GRIA4: variants seen among roughly 807,000 people sequenced by gnomAD.
The protein encoded by GRIA4 is glutamate ionotropic receptor AMPA type subunit 4, also known as glutamate receptor 4.
GRIA4 carries 34 observed loss-of-function variants against 104.0 expected under a neutral mutation model. That is an observed-to-expected ratio of 0.33 (90% confidence interval 0.25 to 0.44). GRIA4 has a LOEUF of 0.44. Ranked by LOEUF, GRIA4 falls within the 20% of genes least tolerant of loss-of-function variation. GRIA4 has a pLI of 1.00. For missense variants in GRIA4, 750 were observed against 1,096.5 expected (o/e 0.68, Z 4.46); for synonymous variants, 386 against 381.9 (o/e 1.01, Z -0.13).
At chr11:105,740,528 G>T (rs1187893915) in intron 3 of GRIA4, among the ~76,000 whole-genome samples, 1 of 152,204 alleles carries the variant, frequency 6.6e-6, no homozygotes. Flanking sequence ...AAACAATCCA[G>T]TTACTTCTTC....
intron 4 of GRIA4, among the ~76,000 whole-genome samples, chr11:105,817,064 C>A (rs1262145322): frequency 6.6e-6 from 1 of 152,014 alleles, no homozygotes; most frequent in African/African-American, 2.4e-5. Context: ...TGAAATCCAA[C>A]TGCTGGGGTT....
intron 16 of GRIA4, among the ~76,000 whole-genome samples, chr11:105,979,240 A>G (rs753316585): frequency 1.5e-4 from 23 of 152,254 alleles, no homozygotes; most frequent in Non-Finnish European, 2.2e-4. Flanking sequence ...TGTCAAACAT[A>G]AAAGAGCTTT....
chr11:105,689,187 C>T (rs1425817516), intron 3 of GRIA4, among the ~76,000 whole-genome samples: 2 of 152,080 alleles, frequency 1.3e-5, no homozygotes, highest in African/African-American at 4.8e-5. Flanking sequence ...TATTTGAAGG[C>T]ATCACCAAGA....
At chr11:105,744,063 A>C (rs1349139268) in intron 3 of GRIA4, among the ~76,000 whole-genome samples, 1 of 151,730 alleles carries the variant, frequency 6.6e-6, no homozygotes, top group African/African-American at 2.4e-5. Context: ...GATTTCCTCC[A>C]GTCAGTCTTT....
chr11:105,811,335 A>T (rs1360195878), intron 4 of GRIA4, among the ~76,000 whole-genome samples: 1 of 152,220 alleles, frequency 6.6e-6, no homozygotes, highest in Non-Finnish European at 1.5e-5. Context: ...TGGAAGGCAG[A>T]GGCAGACAGA....
At chr11:105,884,567 G>A (rs1432778268) in intron 5 of GRIA4, among the ~76,000 whole-genome samples, 1 of 152,156 alleles carries the variant, frequency 6.6e-6, no homozygotes, top group Non-Finnish European at 1.5e-5. Flanking sequence ...GCCAGGATCT[G>A]GCTCAGCAGA....
chr11:105,662,897 G>C (rs1387658127), intron 3 of GRIA4, among the ~76,000 whole-genome samples: 4 of 151,884 alleles, frequency 2.6e-5, no homozygotes, highest in Non-Finnish European at 5.9e-5. Context: ...TCCATATGTA[G>C]ACATCATTGT....
At chr11:105,661,297 G>T (rs768345867) in intron 3 of GRIA4, among the ~76,000 whole-genome samples, 6 of 151,558 alleles carry the variant, frequency 4.0e-5, no homozygotes, top group Non-Finnish European at 7.4e-5. Flanking sequence ...AGAAGTATAG[G>T]AGTATTATAT....
At chr11:105,632,852 T>A (rs954267324) in intron 3 of GRIA4, among the ~76,000 whole-genome samples, 9 of 152,170 alleles carry the variant, frequency 5.9e-5, no homozygotes, top group Admixed American at 5.9e-4. Context: ...TAAGCATTAA[T>A]ATAACCACAG....
At chr11:105,721,478 T>A (rs1937814589) in intron 3 of GRIA4, among the ~76,000 whole-genome samples, 1 of 152,128 alleles carries the variant, frequency 6.6e-6, no homozygotes, top group Non-Finnish European at 1.5e-5. Flanking sequence ...TTTTGTTGTT[T>A]ACAAAAATGA....
chr11:105,810,919 A>G (rs144649274), intron 4 of GRIA4, among the ~76,000 whole-genome samples: 18 of 151,898 alleles, frequency 1.2e-4, no homozygotes, highest in African/African-American at 4.3e-4. Context: ...CATTTTTTTT[A>G]AAAAAAACTA....
intron 13 of GRIA4, among the ~76,000 whole-genome samples, chr11:105,933,073 T>C: frequency 6.7e-6 from 1 of 149,062 alleles, no homozygotes; most frequent in African/African-American, 2.4e-5. Context: ...ATCCCATCTT[T>C]AAAAAAATTT....
chr11:105,944,115 A>G (rs941541917), intron 14 of GRIA4, among the ~76,000 whole-genome samples: 2 of 152,180 alleles, frequency 1.3e-5, no homozygotes, highest in African/African-American at 2.4e-5. Context: ...AAATGGTAAT[A>G]GTAGTAGATG....
chr11:105,664,739 A>G (rs552122498), intron 3 of GRIA4, among the ~76,000 whole-genome samples: 1 of 152,152 alleles, frequency 6.6e-6, no homozygotes, highest in Non-Finnish European at 1.5e-5. Context: ...TTTTGGACCA[A>G]TGGTTAAATC....
chr11:105,811,455 A>G (rs991140112), intron 4 of GRIA4, among the ~76,000 whole-genome samples: 10 of 152,082 alleles, frequency 6.6e-5, no homozygotes, highest in Non-Finnish European at 2.9e-5. Context: ...CTCTGGTAGT[A>G]GCAGCTTCGA....
At chr11:105,977,987 C>A (rs1338702801) in intron 16 of GRIA4, among the ~76,000 whole-genome samples, 1 of 151,988 alleles carries the variant, frequency 6.6e-6, no homozygotes, top group African/African-American at 2.4e-5. Context: ...CAGTGAAATT[C>A]AATTCTGTTC....
intron 14 of GRIA4, among the ~76,000 whole-genome samples, chr11:105,955,515 G>T (rs1311759021): frequency 3.3e-5 from 5 of 152,046 alleles, no homozygotes; most frequent in African/African-American, 1.2e-4. Flanking sequence ...TCTTTATCCA[G>T]TCTATCATTG....
At chr11:105,780,802 G>T (rs141258205) in intron 4 of GRIA4, among the ~76,000 whole-genome samples, 7 of 152,098 alleles carry the variant, frequency 4.6e-5, no homozygotes, top group Admixed American at 4.6e-4. Flanking sequence ...ACTTTAGTCT[G>T]CAGGGAACTT....
chr11:105,629,110 A>G (rs1173876156), intron 3 of GRIA4, among the ~76,000 whole-genome samples: 1 of 148,352 alleles, frequency 6.7e-6, no homozygotes, highest in African/African-American at 2.5e-5. Context: ...CGTGGCTGCC[A>G]CTGCTATATA....
Sources: gnomAD v4.1 joint callset for allele counts (sites outside exome capture counted in the v4.1 genomes callset) on GRCh38, gnomAD v4.1.1 for gene constraint, MANE v1.5 for transcripts, NCBI Gene and HGNC (gene_info 2026-07-23, HGNC 2026-07-21) for gene names.